The following UBASH3B variants were observed in gnomAD, a reference collection of about 807,000 sequenced individuals.
The protein encoded by UBASH3B is ubiquitin-associated and SH3 domain-containing protein B.
UBASH3B carries 37 observed loss-of-function variants against 83.4 expected under a neutral mutation model. That is an observed-to-expected ratio of 0.44 (90% CI 0.34 to 0.58). The LOEUF is 0.58. Among genes scored for constraint, UBASH3B ranks in the 20% least tolerant of loss-of-function variants. The probability of loss-of-function intolerance (pLI) is 0.01; values close to 1 mark genes in which losing one functional copy is unlikely to be tolerated. For missense variants in UBASH3B, 657 were observed against 827.2 expected, an observed-to-expected ratio of 0.79 and a Z score of 2.52; for synonymous variants, 304 against 318.3, an observed-to-expected ratio of 0.96 and a Z score of 0.48.
chr11:122,747,142 A>G lies in UBASH3B; in HGVS notation c.162-29077A>G, dbSNP rs371078440. Among the ~76,000 whole-genome samples the G allele has an allele frequency of 5.7e-4, 86 of 152,094 alleles. 4 individuals are homozygous for G. In the East Asian group the frequency reaches 0.01, roughly 18 times the overall value. The stretch of plus-strand genomic sequence containing the variant: ...CACAGGCATGGCCAAGGATATGGGG[A>G]ACCTCTGCAGGATTTTAAGCAGGAC... On this transcript the variant is annotated intron_variant, in intron 1 of 13. Coordinates refer to ENST00000284273, the MANE Select transcript of UBASH3B (RefSeq NM_032873.5).
intron 1 of UBASH3B, among the ~76,000 whole-genome samples, chr11:122,692,473 G>C (rs1863908294): frequency 6.6e-6 from 1 of 152,168 alleles, no homozygotes; most frequent in Non-Finnish European, 1.5e-5. Context: ...TAGAAACAAA[G>C]AATTGCAGAG....
At chr11:122,665,802 A>G (rs777762966) in intron 1 of UBASH3B, among the ~76,000 whole-genome samples, 10 of 152,172 alleles carry the variant, frequency 6.6e-5, no homozygotes, top group Non-Finnish European at 1.3e-4. Flanking sequence ...GCAAAATACA[A>G]CCAAAGTGCT....
Position 122,675,251 on chromosome 11 carries a change from T to C in UBASH3B, c.161+19041T>C, listed in dbSNP as rs938975066. 2.6e-5 allele frequency among the ~76,000 whole-genome samples: 4 copies of C among 152,226 alleles called. No homozygotes were observed. In the East Asian group the frequency reaches 7.7e-4, roughly 29 times the overall value. ...GCACACAGAGCTCTAGCACCCTGACTGGCAAATAAGCATTACTGGCAATGC... is the reference window on the plus strand; with the variant it reads ...GCACACAGAGCTCTAGCACCCTGACCGGCAAATAAGCATTACTGGCAATGC... On this transcript the variant is annotated intron_variant, in intron 1 of 13. Coordinates refer to ENST00000284273, the MANE Select transcript of UBASH3B (RefSeq NM_032873.5).
chr11:122,660,550 G>GGACA (rs1300184833), intron 1 of UBASH3B, among the ~76,000 whole-genome samples: 1 of 152,120 alleles, frequency 6.6e-6, no homozygotes, highest in Non-Finnish European at 1.5e-5. Context: ...GGAGAAGATG[G>GGACA]GACAGGACTC....
At chr11:122,736,076 C>T (rs181748056) in intron 1 of UBASH3B, among the ~76,000 whole-genome samples, 14 of 152,264 alleles carry the variant, frequency 9.2e-5, no homozygotes, top group Middle Eastern at 3.4e-3. Context: ...TGGCCCAAGA[C>T]AGTGGAGGTT....
rs1436596495 is a variant in UBASH3B at position 122,759,911 on chromosome 11, TG to T, written c.162-16307del. 6.6e-6 allele frequency among the ~76,000 whole-genome samples: 1 copy of T among 152,212 alleles called. No individual in the cohort carries two copies. Among genetic ancestry groups the T allele is most frequent in the African/African-American group, 2.4e-5 (1 of 41,460 alleles). ...ATAGCACAAGTGATTCCATCACCTT[TG>T]CCATATAGAGGTAAGTCATAGGTCT... On this transcript the variant is annotated intron_variant, in intron 1 of 13. Transcript: ENST00000284273. This position sits in a 1 kb window ranked among gnomAD's most constrained non-coding sequence, Gnocchi z 4.1.
chr11:122,692,045 G>T (rs551665625), intron 1 of UBASH3B, among the ~76,000 whole-genome samples: 2 of 152,224 alleles, frequency 1.3e-5, no homozygotes, highest in African/African-American at 4.8e-5. Flanking sequence ...CCATGTGCTG[G>T]CTCTGCCACT....
At position 122,814,132 on chromosome 11, in the gene UBASH3B, T is replaced by C. The variant is rs1861499687; in HGVS notation, c.*4246T>C. 6.6e-6 allele frequency: 1 copy of C among 152,670 alleles called. No individual in the cohort carries two copies. The highest frequency in any genetic ancestry group is 6.5e-5 in the Admixed American group (1 of 15,282). The allele number at this position is 152,670 out of a possible 1,614,324, so 9.5% of individuals were successfully genotyped here. A position where few individuals can be genotyped will look rare whatever the true frequency, so the allele number is the denominator to read the frequency against. On this transcript the variant is annotated 3_prime_UTR_variant, in exon 14 of 14. Transcript: ENST00000284273. The stretch of plus-strand genomic sequence containing the variant: ...TTCTTTCTTTGATTGCCACTCAAGA[T>C]GGAAACACCATGCCAAGGCATTTTG...
intron 1 of UBASH3B, among the ~76,000 whole-genome samples, chr11:122,720,249 T>C (rs1021804394): frequency 6.6e-6 from 1 of 152,206 alleles, no homozygotes; most frequent in African/African-American, 2.4e-5. Context: ...AGGATAACTC[T>C]TTCTTCCAGA....
chr11:122,668,283 T>C (rs1173535450), intron 1 of UBASH3B, among the ~76,000 whole-genome samples: 1 of 152,208 alleles, frequency 6.6e-6, no homozygotes, highest in African/African-American at 2.4e-5. Context: ...CCACCATGCG[T>C]GGCCGAGTCA....
In UBASH3B at chr11:122,738,096, G is replaced by A. The variant is rs537768306; in HGVS notation, c.162-38123G>A. 2.0e-5 allele frequency among the ~76,000 whole-genome samples: 3 copies of A among 152,330 alleles called. No homozygotes were observed. In the East Asian group the frequency reaches 5.8e-4, roughly 29 times the overall value. Reference sequence around the variant, plus strand: ...AAAGGGAGGGCTCCTAATGGGAAATGCCGTTGAGAGGTCAAGAGACAAAAA... The same window carrying A: ...AAAGGGAGGGCTCCTAATGGGAAATACCGTTGAGAGGTCAAGAGACAAAAA... On this transcript the variant is annotated intron_variant, in intron 1 of 13. Coordinates refer to ENST00000284273, the MANE Select transcript of UBASH3B (RefSeq NM_032873.5).
chr11:122,747,193 A>G (rs1452927468), intron 1 of UBASH3B, among the ~76,000 whole-genome samples: 1 of 152,174 alleles, frequency 6.6e-6, no homozygotes, highest in Non-Finnish European at 1.5e-5. Context: ...ATTAATGGTT[A>G]AGAAAGATTA....
At position 122,809,848 on chromosome 11, in the gene UBASH3B, G is replaced by T. The variant is rs759872115; in HGVS notation, c.1912G>T (p.Gly638Trp). 2 of 1,614,140 alleles carry T rather than the reference G, an allele frequency of 1.2e-6. No individual in the cohort carries two copies. Among genetic ancestry groups the T allele is most frequent in the Non-Finnish European group, 1.7e-6 (2 of 1,180,020 alleles). The change falls in exon 14 of 14, where the codon GGG becomes TGG. Residue 638 changes from glycine to tryptophan, a missense_variant. By Grantham distance (184) the Gly-to-Trp change is radical. Coordinates refer to ENST00000284273, the MANE Select transcript of UBASH3B (RefSeq NM_032873.5). ...CCTTCCTCTTACCCATGGACCAACTGGGGGCTTCAACTGGAGAGAGACCTT... is the reference window on the plus strand; with the variant it reads ...CCTTCCTCTTACCCATGGACCAACTTGGGGCTTCAACTGGAGAGAGACCTT... ...PILPLTHGPT[G>W]GFNWRETLLQ...
At chr11:122,772,321 C>T (rs983123471) in intron 1 of UBASH3B, among the ~76,000 whole-genome samples, 1 of 152,178 alleles carries the variant, frequency 6.6e-6, no homozygotes, top group Non-Finnish European at 1.5e-5. Flanking sequence ...TGTGAGCTCT[C>T]TAAGGGTAGG....
chr11:122,738,475 G>A lies in UBASH3B; in HGVS notation c.162-37744G>A, dbSNP rs1264249065. Among the ~76,000 whole-genome samples, 13 of 152,192 alleles carry A rather than the reference G, an allele frequency of 8.5e-5. No individual in the cohort carries two copies. The South Asian group carries it at 2.7e-3, about 32-fold the overall frequency. Reference sequence around the variant, plus strand: ...AGTGGGAATAAAGTAAAGCAACACAGAAGGACAGGCATGGCAAGAAGCCTG... The same window carrying A: ...AGTGGGAATAAAGTAAAGCAACACAAAAGGACAGGCATGGCAAGAAGCCTG... On this transcript the variant is annotated intron_variant, in intron 1 of 13. Coordinates refer to ENST00000284273, the MANE Select transcript of UBASH3B (RefSeq NM_032873.5).
intron 1 of UBASH3B, among the ~76,000 whole-genome samples, chr11:122,723,167 A>T (rs1041182578): frequency 6.6e-6 from 1 of 152,172 alleles, no homozygotes; most frequent in African/African-American, 2.4e-5. Flanking sequence ...GAGGATCAGA[A>T]ATCTGTAATT....
intron 1 of UBASH3B, among the ~76,000 whole-genome samples, chr11:122,701,611 G>T (rs1481061860): frequency 6.6e-6 from 1 of 152,062 alleles, no homozygotes; most frequent in Non-Finnish European, 1.5e-5. Context: ...CGCTTGCATT[G>T]GCATACGGTC....
intron 1 of UBASH3B, among the ~76,000 whole-genome samples, chr11:122,686,296 C>T (rs188606037): frequency 1.3e-5 from 2 of 152,310 alleles, no homozygotes; most frequent in East Asian, 3.9e-4. Context: ...GAGGAAGAGA[C>T]AAATGGCTAC....
intron 1 of UBASH3B, among the ~76,000 whole-genome samples, chr11:122,693,445 G>A (rs7930158): frequency 0.81 from 123,780 of 152,098 alleles, 51,312 homozygotes; most frequent in East Asian, 0.95. Context: ...ACACCTTAAG[G>A]CTTGAAGATT....
Sources: allele counts gnomAD v4.1 joint callset (sites outside exome capture counted in the v4.1 genomes callset), GRCh38; gene constraint gnomAD v4.1.1; non-coding constraint Gnocchi (gnomAD v3.1); transcripts MANE v1.5; gene names NCBI Gene and HGNC (gene_info 2026-07-23, HGNC 2026-07-21).